The following TMTC2 variants were observed in gnomAD, a reference collection of about 807,000 sequenced individuals.
TMTC2 encodes protein O-mannosyl-transferase TMTC2.
A neutral mutation model predicts 82.4 loss-of-function variants in TMTC2; 43 were observed. That is an observed-to-expected ratio of 0.52 (90% CI 0.41 to 0.67). The LOEUF (loss-of-function observed/expected upper bound fraction) is 0.67, where lower values mean the gene tolerates loss of function less well. TMTC2 is among the 30% of genes least tolerant of loss of function. The probability of loss-of-function intolerance (pLI) is 0.00; values close to 1 mark genes in which losing one functional copy is unlikely to be tolerated. For synonymous variants in TMTC2, 408 were observed against 381.9 expected, an observed-to-expected ratio of 1.07 and a Z score of -0.80; for missense variants, 919 against 1,012.4, an observed-to-expected ratio of 0.91 and a Z score of 1.25.
chr12:82,783,057 G>A (rs911983074), intron 1 of TMTC2, among the ~76,000 whole-genome samples: 1 of 151,986 alleles, frequency 6.6e-6, no homozygotes, highest in Admixed American at 6.6e-5. Context: ...TAGAATTTTT[G>A]ATTAGAAATG....
chr12:82,959,537 G>C (rs1455710280), intron 4 of TMTC2, among the ~76,000 whole-genome samples: 1 of 152,050 alleles, frequency 6.6e-6, no homozygotes, highest in Non-Finnish European at 1.5e-5. Flanking sequence ...ACAGCTATCT[G>C]ACCTTCGACA....
intron 11 of TMTC2, among the ~76,000 whole-genome samples, chr12:83,078,437 C>T (rs1309967503): frequency 6.6e-6 from 1 of 152,138 alleles, no homozygotes; most frequent in Non-Finnish European, 1.5e-5. Flanking sequence ...ATTGCCATAA[C>T]ATCATGTTTG....
At position 83,072,142 on chromosome 12, in the gene TMTC2, T is replaced by C. The variant is rs377012081; in HGVS notation, c.2331+10311T>C. Among the ~76,000 whole-genome samples the C allele has an allele frequency of 3.9e-5, 6 of 152,258 alleles. No homozygotes were observed. In the East Asian group the frequency reaches 1.2e-3, roughly 29 times the overall value. On this transcript the variant is annotated intron_variant, in intron 11 of 11. Coordinates refer to ENST00000321196, the MANE Select transcript of TMTC2 (RefSeq NM_152588.3). ...TTTCAGTCTCTTTGATGTAGGCGCTTAGGGCTGTGAACTTTCCTCTTAGCG... is the reference window on the plus strand; with the variant it reads ...TTTCAGTCTCTTTGATGTAGGCGCTCAGGGCTGTGAACTTTCCTCTTAGCG...
At chr12:82,967,095 T>G in intron 7 of TMTC2, 98 bp downstream of exon 7, 4 of 890,622 alleles carry the variant, frequency 4.5e-6, no homozygotes, top group Non-Finnish European at 6.9e-6. Context: ...TAAATCATAT[T>G]AATCCTCACA....
chr12:82,744,962 G>A (rs1246307745), intron 1 of TMTC2, among the ~76,000 whole-genome samples: 1 of 152,088 alleles, frequency 6.6e-6, no homozygotes, highest in Admixed American at 6.6e-5. Flanking sequence ...GTTTTATTTG[G>A]GGGGAGGATT....
chr12:83,000,139 CA>C (rs202070210), intron 8 of TMTC2, among the ~76,000 whole-genome samples: 6 of 58,186 alleles, frequency 1.0e-4, no homozygotes, highest in Admixed American at 2.3e-4. Context: ...TGGGGGCAGT[CA>C]ATTTTTTTTT....
At chr12:82,940,747 A>G (rs1876672832) in intron 4 of TMTC2, among the ~76,000 whole-genome samples, 1 of 79,458 alleles carries the variant, frequency 1.3e-5, no homozygotes, top group Non-Finnish European at 2.3e-5. Flanking sequence ...TTTGCATAAT[A>G]CCTATACATC....
chr12:82,871,431 C>T (rs974414992), intron 2 of TMTC2, among the ~76,000 whole-genome samples: 4 of 149,984 alleles, frequency 2.7e-5, no homozygotes, highest in Non-Finnish European at 5.9e-5. Context: ...GCTTTGAATA[C>T]AAATAATCTG....
intron 1 of TMTC2, among the ~76,000 whole-genome samples, chr12:82,847,467 A>G (rs1870747531): frequency 6.6e-6 from 1 of 152,184 alleles, no homozygotes; most frequent in Non-Finnish European, 1.5e-5. Context: ...AGGATTATAA[A>G]TCATGCTGCT....
intron 1 of TMTC2, among the ~76,000 whole-genome samples, chr12:82,852,668 A>C (rs1451908409): frequency 6.6e-6 from 1 of 152,292 alleles, no homozygotes. Flanking sequence ...AGGTTTTACT[A>C]TTTCTATTTT....
intron 3 of TMTC2, among the ~76,000 whole-genome samples, chr12:82,914,888 C>T (rs745627786): frequency 1.2e-4 from 16 of 136,828 alleles, no homozygotes; most frequent in Non-Finnish European, 2.0e-4. Flanking sequence ...TGCAATAGTG[C>T]GATCTTGGCT....
rs773500628 is a variant in TMTC2 at position 82,857,155 on chromosome 12, C to T, written c.229C>T (p.His77Tyr). 6.2e-7 allele frequency: 1 copy of T among 1,614,158 alleles called. No individual in the cohort carries two copies. Among genetic ancestry groups the T allele is most frequent in the Non-Finnish European group, 8.5e-7 (1 of 1,180,034 alleles). ...PLCTLSFRLNHAIGGLNPWSY... is the reference protein window; with the variant it reads ...PLCTLSFRLNYAIGGLNPWSY... ...CTGCACTCTTTCTTTTCGCCTGAAC[C>T]ATGCCATTGGAGGGTTGAATCCCTG... The change falls in exon 2 of 12, where the codon CAT (histidine) becomes TAT (tyrosine). Residue 77 changes from histidine (H) to tyrosine (Y), a missense_variant. Physicochemically the swap from His to Tyr is moderately conservative, Grantham distance 83. Coordinates refer to ENST00000321196, the MANE Select transcript of TMTC2 (RefSeq NM_152588.3).
rs188451744 is a variant in TMTC2 at position 82,905,450 on chromosome 12, A to T, written c.1483+8804A>T. On this transcript the variant is annotated intron_variant, in intron 3 of 11. Coordinates refer to ENST00000321196, the MANE Select transcript of TMTC2 (RefSeq NM_152588.3). ...GAAAGCAATTTCTTAAATAGTTAAGAACAATTAAGAGTGAATCTGAGGAAA... is the reference window on the plus strand; with the variant it reads ...GAAAGCAATTTCTTAAATAGTTAAGTACAATTAAGAGTGAATCTGAGGAAA... 2.5e-3 allele frequency among the ~76,000 whole-genome samples: 385 copies of T among 152,342 alleles called. 1 individual carries two copies. Among genetic ancestry groups the T allele is most frequent in the African/African-American group, 8.9e-3 (371 of 41,574 alleles).
intron 4 of TMTC2, among the ~76,000 whole-genome samples, chr12:82,935,591 T>A (rs1274645210): frequency 6.6e-6 from 1 of 152,218 alleles, no homozygotes; most frequent in African/African-American, 2.4e-5. Flanking sequence ...TAATTGATTT[T>A]TAGACTAAGA....
chr12:83,015,395 G>A (rs1454913033), intron 8 of TMTC2, among the ~76,000 whole-genome samples: 3 of 152,166 alleles, frequency 2.0e-5, no homozygotes, highest in Non-Finnish European at 4.4e-5. Context: ...GGGAGTGTCT[G>A]TTCAGTCCTT....
chr12:83,041,558 G>T (rs1881897663), intron 9 of TMTC2, among the ~76,000 whole-genome samples: 1 of 152,002 alleles, frequency 6.6e-6, no homozygotes, highest in Non-Finnish European at 1.5e-5. Context: ...TTTGAATAAG[G>T]TATATAAATA....
intron 7 of TMTC2, 69 bp from the exon 8 acceptor site, chr12:82,985,856 G>T (rs1423838976): frequency 1.0e-5 from 16 of 1,557,900 alleles, no homozygotes; most frequent in Non-Finnish European, 1.3e-5. Context: ...TGATGATGAT[G>T]ATGCTGTTGC....
chr12:82,788,064 T>C (rs369839505), intron 1 of TMTC2, among the ~76,000 whole-genome samples: 6 of 152,124 alleles, frequency 3.9e-5, no homozygotes, highest in East Asian at 1.9e-4. Flanking sequence ...TGGCGTGAGA[T>C]GAGAATAGAC....
intron 2 of TMTC2, among the ~76,000 whole-genome samples, chr12:82,885,366 T>A (rs1264819974): frequency 6.6e-6 from 1 of 151,992 alleles, no homozygotes; most frequent in African/African-American, 2.4e-5. Context: ...TTTTTTCTAA[T>A]TTTCTTAAGT....
Sources: allele counts gnomAD v4.1 joint callset (sites outside exome capture counted in the v4.1 genomes callset), GRCh38; gene constraint gnomAD v4.1.1; transcripts MANE v1.5; gene names NCBI Gene and HGNC (gene_info 2026-07-23, HGNC 2026-07-21).